SP140: variants seen among roughly 807,000 people sequenced by gnomAD.
SP140 encodes nuclear body protein SP140.
A neutral mutation model predicts 125.0 loss-of-function variants in SP140; 81 were observed. The observed-to-expected ratio is 0.65, with a 90% CI of 0.54 to 0.78. SP140 has a LOEUF of 0.78. SP140 is among the 30% of genes least tolerant of loss of function. The pLI is 0.00. For missense variants in SP140, 858 were observed against 1,037.0 expected (o/e 0.83, Z 2.37); for synonymous variants, 312 against 354.0 (o/e 0.88, Z 1.33).
chr2:230,244,681 T>C (rs1293736895), intron 5 of SP140, among the ~76,000 whole-genome samples: 2 of 151,862 alleles, frequency 1.3e-5, no homozygotes, highest in African/African-American at 4.8e-5. Context: ...GAAAATGTGA[T>C]GGAGGGCATT....
At chr2:230,303,063 A>G (rs1442070476) in intron 22 of SP140, among the ~76,000 whole-genome samples, 2 of 152,206 alleles carry the variant, frequency 1.3e-5, no homozygotes, top group Admixed American at 6.5e-5. Flanking sequence ...CAAAGATCAG[A>G]GAAGAACTAA....
At chr2:230,275,096 G>A (rs191440330) in intron 15 of SP140, among the ~76,000 whole-genome samples, 1 of 152,164 alleles carries the variant, frequency 6.6e-6, no homozygotes, top group Admixed American at 6.5e-5. Flanking sequence ...TATTTTGCCA[G>A]TGTGTTGTCT....
At chr2:230,236,956 C>T (rs1002904841) in intron 1 of SP140, 127 bp from the exon 2 acceptor site, 2 of 642,790 alleles carry the variant, frequency 3.1e-6, no homozygotes, top group African/African-American at 3.7e-5. Flanking sequence ...TCTGGTCTCC[C>T]TACAAGAATG....
intron 22 of SP140, 140 bp from the exon 23 acceptor site, chr2:230,309,784 G>GT: frequency 1.3e-6 from 1 of 779,212 alleles, no homozygotes; most frequent in Non-Finnish European, 2.1e-6. Flanking sequence ...TCCATGCCAT[G>GT]TTTTTCCTTC....
At position 230,263,378 on chromosome 2, in the gene SP140, G is replaced by A. The variant is rs1299733166; in HGVS notation, c.1241-6154G>A. Among the ~76,000 whole-genome samples the A allele has an allele frequency of 1.3e-5, 2 of 152,090 alleles. 1 individual carries two copies. Among genetic ancestry groups the A allele is most frequent in the South Asian group, 4.2e-4 (2 of 4,814 alleles). On this transcript the variant is annotated intron_variant, in intron 12 of 26. Coordinates refer to ENST00000392045, the MANE Select transcript of SP140 (RefSeq NM_007237.5). The stretch of plus-strand genomic sequence containing the variant: ...TATGTGCTAGGTGAGTCTCCTGAAG[G>A]CAGCAGATGGTTGGTGAGTTCTTAT...
rs187832648 is a variant in SP140 at position 230,311,634 on chromosome 2, T to A, written c.2505+39T>A. The A allele has an allele frequency of 1.6e-5, 25 of 1,585,248 alleles. No individual in the cohort carries two copies. The African/African-American group carries it at 2.9e-4, about 18-fold the overall frequency. On this transcript the variant is annotated intron_variant, in intron 26 of 26. Transcript: ENST00000392045. Reference sequence around the variant, plus strand: ...CCTGCTTCCATTTCATTTCTTTCCATCCTTCCCCTCATTTTCTGGTGCCAA... The same window carrying A: ...CCTGCTTCCATTTCATTTCTTTCCAACCTTCCCCTCATTTTCTGGTGCCAA...
intron 12 of SP140, among the ~76,000 whole-genome samples, chr2:230,258,316 C>T (rs72988284): frequency 2.2e-3 from 330 of 152,234 alleles, no homozygotes; most frequent in Non-Finnish European, 4.1e-3. Context: ...AGAGTGTTAT[C>T]CTTGCAAAGG....
chr2:230,220,075 G>C (rs2045672301), intron 3 of SP140: 4 of 985,506 alleles, frequency 4.1e-6, no homozygotes, highest in Non-Finnish European at 4.8e-6. Context: ...AAGGCAGGTC[G>C]GTGCCTGCAG....
chr2:230,215,185 G>A (rs1270455413), intron 3 of SP140: 2 of 1,281,414 alleles, frequency 1.6e-6, no homozygotes, highest in Non-Finnish European at 2.2e-6. Flanking sequence ...TACATTTATG[G>A]TTTTCTAAGT....
chr2:230,297,291 C>T, intron 21 of SP140, 130 bp from the exon 22 acceptor site: 1 of 1,125,652 alleles, frequency 8.9e-7, no homozygotes, highest in South Asian at 1.6e-5. Context: ...TACTGGCCTT[C>T]TCTCTTCCCA....
rs1167691261 is a variant in SP140 at position 230,253,375 on chromosome 2, G to T, written c.1117G>T (p.Glu373Ter). 1.2e-6 allele frequency: 2 copies of T among 1,612,168 alleles called. No homozygotes were observed. The change falls in exon 11 of 27, where the codon GAA (glutamate) becomes TAA (stop). Residue 373 changes from glutamate (E) to a stop codon, truncating the protein, a stop_gained. Coordinates refer to ENST00000392045, the MANE Select transcript of SP140 (RefSeq NM_007237.5). LOFTEE classifies it high-confidence loss of function. ...GACTCCCCAAGTCACTAATGAAGGA[G>T]AACCAGAGAAGGAGCTCAGTCTACT... is the stretch of plus-strand genomic sequence containing the variant. ...LKTPQVTNEG[E>*]PEKELSLLPG... is the part of the protein sequence containing the mutation.
chr2:230,284,183 A>T (rs1349031676), intron 15 of SP140, among the ~76,000 whole-genome samples, 163 bp from the exon 16 acceptor site: 2 of 151,990 alleles, frequency 1.3e-5, no homozygotes, highest in African/African-American at 4.8e-5. Flanking sequence ...GTAAAATATA[A>T]CTCTGTACTC....
In SP140 at chr2:230,292,680, A is replaced by G. The variant is rs776716905; in HGVS notation, c.1860A>G (p.Gly620=). Residue 620 remains glycine (G), a synonymous_variant, in exon 20 of 27, where the codon GGA becomes GGG. Transcript: ENST00000392045. ...TGAAGTGTATACAGACTGAGGATGG[A>G]AAATGGTTCACCCCCACGGAATTTG... ...ILVKCIQTED[G]KWFTPTEFEI... 2.0e-4 allele frequency: 327 copies of G among 1,614,152 alleles called. No individual in the cohort carries two copies. The highest frequency in any genetic ancestry group is 3.1e-5 in the Non-Finnish European group (37 of 1,180,014).
intron 3 of SP140, chr2:230,214,299 C>T (rs991047809): frequency 6.6e-6 from 1 of 152,610 alleles, no homozygotes; most frequent in Admixed American, 6.5e-5. Context: ...TTCTCTGTAG[C>T]TACCTTTTTT....
chr2:230,294,192 T>C lies in SP140; in HGVS notation c.1969-79T>C, dbSNP rs185199817. 1.1e-4 allele frequency: 127 copies of C among 1,132,066 alleles called. 1 individual carries two copies. The East Asian group carries it at 1.8e-3, about 16-fold the overall frequency. 70.1% of individuals were successfully genotyped at this position (1,132,066 alleles called of 1,614,324 possible). A position where few individuals can be genotyped will look rare whatever the true frequency, so the allele number is the denominator to read the frequency against. ...CAGTGGAACACTCAGGTAGAAATATTTGGGAGGAGGTTGGAAATGCCAGAC... is the reference window on the plus strand; with the variant it reads ...CAGTGGAACACTCAGGTAGAAATATCTGGGAGGAGGTTGGAAATGCCAGAC... On this transcript the variant is annotated intron_variant, in intron 20 of 26. Coordinates refer to ENST00000392045, the MANE Select transcript of SP140 (RefSeq NM_007237.5).
downstream of SP140, among the ~76,000 whole-genome samples, chr2:230,315,101 G>C (rs2059475435): frequency 6.6e-6 from 1 of 152,198 alleles, no homozygotes. Context: ...TATTGCTTTA[G>C]ACATATAATC....
At chr2:230,222,893 G>T (rs947175929), upstream of SP140, among the ~76,000 whole-genome samples, 1 of 137,812 alleles carries the variant, frequency 7.3e-6, no homozygotes, top group Non-Finnish European at 1.6e-5. Context: ...CATTTTTGGT[G>T]TATGGCTTTC....
chr2:230,309,790 C>T, intron 22 of SP140, 134 bp from the exon 23 acceptor site: 1 of 810,422 alleles, frequency 1.2e-6, no homozygotes, highest in Non-Finnish European at 2.0e-6. Context: ...CCATGTTTTT[C>T]CTTCATATCC....
intron 15 of SP140, among the ~76,000 whole-genome samples, chr2:230,283,668 A>G (rs1323880581): frequency 6.6e-6 from 1 of 152,102 alleles, no homozygotes; most frequent in African/African-American, 2.4e-5. Context: ...TGCGGACAGG[A>G]GGAGATGAGG....
Sources: allele counts gnomAD v4.1 joint callset (sites outside exome capture counted in the v4.1 genomes callset), GRCh38; gene constraint gnomAD v4.1.1; transcripts MANE v1.5; gene names NCBI Gene and HGNC (gene_info 2026-07-23, HGNC 2026-07-21).